FREM2: variants seen among roughly 807,000 people sequenced by gnomAD.
The protein encoded by FREM2 is FRAS1-related extracellular matrix protein 2.
A neutral mutation model predicts 219.9 loss-of-function variants in FREM2; 119 were observed. The observed-to-expected ratio is 0.54, with a 90% CI of 0.47 to 0.63. The LOEUF (loss-of-function observed/expected upper bound fraction) is 0.63, where lower values mean the gene tolerates loss of function less well. FREM2 is among the 30% of genes least tolerant of loss of function. The pLI is 0.00. For synonymous variants in FREM2, 1,562 were observed against 1,522.8 expected (o/e 1.03, Z -0.60); for missense variants, 4,030 against 3,993.6 (o/e 1.01, Z -0.25).
intron 4 of FREM2, among the ~76,000 whole-genome samples, chr13:38,775,861 C>G (rs546064498): frequency 6.6e-6 from 1 of 152,120 alleles, no homozygotes; most frequent in African/African-American, 2.4e-5. Flanking sequence ...TCAAGTGATC[C>G]GCCTGCCTTG....
At chr13:38,697,285 C>T (rs1870149594) in intron 1 of FREM2, among the ~76,000 whole-genome samples, 1 of 152,154 alleles carries the variant, frequency 6.6e-6, no homozygotes, top group Admixed American at 6.5e-5. Flanking sequence ...GCTCTGTCCT[C>T]TGCGGGCCAG....
At chr13:38,787,392 A>T (rs1165640958) in intron 6 of FREM2, among the ~76,000 whole-genome samples, 1 of 152,204 alleles carries the variant, frequency 6.6e-6, no homozygotes, top group East Asian at 1.9e-4. Context: ...TCAGATGCAG[A>T]TTATAATAAA....
intron 6 of FREM2, among the ~76,000 whole-genome samples, chr13:38,813,555 CTCTCTCTCTATATATATATATATA>C (rs1566151719): frequency 4.4e-5 from 1 of 22,544 alleles, no homozygotes; most frequent in Non-Finnish European, 7.5e-5. Flanking sequence ...CTCTCTCTCT[CTCTCTCTCTATATATATATATATA>C]TATATATATA....
intron 2 of FREM2, among the ~76,000 whole-genome samples, chr13:38,754,901 G>GATGATTATTATT (rs56270131): frequency 2.6e-3 from 333 of 128,638 alleles, no homozygotes; most frequent in East Asian, 2.6e-3. Flanking sequence ...TGATGATGAT[G>GATGATTATTATT]ATTATTATTA....
At chr13:38,740,722 A>G (rs1250157481) in intron 2 of FREM2, among the ~76,000 whole-genome samples, 2 of 152,224 alleles carry the variant, frequency 1.3e-5, no homozygotes, top group Non-Finnish European at 2.9e-5. Flanking sequence ...TTGCAAATAG[A>G]AACACAGTGT....
At chr13:38,720,727 G>A (rs574079989) in intron 2 of FREM2, among the ~76,000 whole-genome samples, 1 of 152,152 alleles carries the variant, frequency 6.6e-6, no homozygotes, top group African/African-American at 2.4e-5. Context: ...GAGGCAAAAT[G>A]ACAGAGTCTA....
chr13:38,859,847 T>G (rs903775310), intron 14 of FREM2, among the ~76,000 whole-genome samples: 1 of 151,664 alleles, frequency 6.6e-6, no homozygotes, highest in Non-Finnish European at 1.5e-5. Flanking sequence ...ATCCCTGCTT[T>G]TGAGGAATTC....
chr13:38,874,398 C>A (rs1878271441), intron 17 of FREM2, 84 bp from the exon 18 acceptor site: 3 of 1,082,992 alleles, frequency 2.8e-6, no homozygotes, highest in Admixed American at 1.7e-5. Context: ...ACAAGTCAAA[C>A]CTGAATTAAT....
intron 2 of FREM2, among the ~76,000 whole-genome samples, chr13:38,739,364 C>T (rs17058536): frequency 0.075 from 11,368 of 152,130 alleles, 565 homozygotes; most frequent in South Asian, 0.19. Context: ...TACTGGCATA[C>T]CAATAAAGTG....
chr13:38,839,792 G>A (rs560516338), intron 6 of FREM2, among the ~76,000 whole-genome samples: 4 of 152,192 alleles, frequency 2.6e-5, no homozygotes, highest in Middle Eastern at 3.4e-3. Context: ...CAATAATGGT[G>A]GACACCCCTT....
At chr13:38,722,052 C>T (rs1273202498) in intron 2 of FREM2, among the ~76,000 whole-genome samples, 1 of 152,120 alleles carries the variant, frequency 6.6e-6, no homozygotes, top group East Asian at 1.9e-4. Context: ...TAGTATCTCA[C>T]TCTGTTGCCC....
At chr13:38,782,027 C>A (rs1042864741) in intron 4 of FREM2, among the ~76,000 whole-genome samples, 2 of 152,218 alleles carry the variant, frequency 1.3e-5, no homozygotes, top group Non-Finnish European at 2.9e-5. Context: ...GCCGACCCAA[C>A]CAGGAGCCAG....
At chr13:38,701,064 G>A (rs144250943) in intron 2 of FREM2, among the ~76,000 whole-genome samples, 2 of 152,156 alleles carry the variant, frequency 1.3e-5, no homozygotes, top group African/African-American at 4.8e-5. Context: ...GTCAAGGGGG[G>A]TTGTTGTGCT....
At chr13:38,789,224 G>A (rs9548454) in intron 6 of FREM2, among the ~76,000 whole-genome samples, 79,345 of 151,566 alleles carry the variant, frequency 0.52, 22,437 homozygotes, top group Non-Finnish European at 0.64. Context: ...TTATAAATCT[G>A]CCTGTATGTA....
chr13:38,804,382 A>C (rs1267939047), intron 6 of FREM2, among the ~76,000 whole-genome samples: 1 of 151,640 alleles, frequency 6.6e-6, no homozygotes, highest in Non-Finnish European at 1.5e-5. Flanking sequence ...CAAAAATCAA[A>C]ATAAATCAAA....
chr13:38,736,493 CAT>C (rs1471675299), intron 2 of FREM2, among the ~76,000 whole-genome samples: 1 of 152,178 alleles, frequency 6.6e-6, no homozygotes, highest in Non-Finnish European at 1.5e-5. Flanking sequence ...GTTATTTTAA[CAT>C]GTGAAACCTT....
At chr13:38,798,068 G>T (rs980741084) in intron 6 of FREM2, among the ~76,000 whole-genome samples, 11 of 152,004 alleles carry the variant, frequency 7.2e-5, no homozygotes, top group African/African-American at 2.4e-4. Context: ...TAGAGGAAAG[G>T]CTTTCAGCTT....
At chr13:38,877,834 A>G (rs986717253) in intron 21 of FREM2, among the ~76,000 whole-genome samples, 8 of 152,212 alleles carry the variant, frequency 5.3e-5, no homozygotes, top group South Asian at 2.1e-4. Context: ...TTGGACCACA[A>G]TGGGATATTA....
At chr13:38,813,492 CT>C (rs1206687843) in intron 6 of FREM2, among the ~76,000 whole-genome samples, 2 of 14,870 alleles carry the variant, frequency 1.3e-4, no homozygotes, top group African/African-American at 5.1e-4. Flanking sequence ...CTCTCTCTCT[CT>C]CTCTCTCTCT....
Sources: allele counts gnomAD v4.1 joint callset (sites outside exome capture counted in the v4.1 genomes callset), GRCh38; gene constraint gnomAD v4.1.1; transcripts MANE v1.5; gene names NCBI Gene and HGNC (gene_info 2026-07-23, HGNC 2026-07-21).